SHISA9: variants seen among roughly 807,000 people sequenced by gnomAD.
SHISA9 encodes the protein shisa family member 9, also known as protein shisa-9.
Under a neutral mutation model 38.0 loss-of-function variants are expected in SHISA9, and 13 were observed. The observed-to-expected ratio is 0.34, with a 90% CI of 0.22 to 0.54. The LOEUF is 0.54. Among genes scored for constraint, SHISA9 ranks in the 20% least tolerant of loss-of-function variants. SHISA9 has a pLI of 0.91. For synonymous variants in SHISA9, 275 were observed against 242.0 expected (o/e 1.14, Z -1.27); for missense variants, 538 against 575.8 (o/e 0.93, Z 0.67).
At chr16:12,912,163 A>C (rs1454284629) in intron 1 of SHISA9, among the ~76,000 whole-genome samples, 4 of 152,026 alleles carry the variant, frequency 2.6e-5, no homozygotes, top group African/African-American at 9.7e-5. Context: ...CCCCATACCA[A>C]ATCGGTTTAT....
the SHISA9 span, among the ~76,000 whole-genome samples, chr16:13,552,695 G>C: frequency 6.6e-6 from 1 of 152,056 alleles, no homozygotes; most frequent in African/African-American, 2.4e-5. Context: ...GTGGAGCCTG[G>C]GGTGCTTTAG....
At chr16:13,085,240 C>G (rs2073697530) in intron 2 of SHISA9, among the ~76,000 whole-genome samples, 1 of 151,786 alleles carries the variant, frequency 6.6e-6, no homozygotes, top group African/African-American at 2.4e-5. Context: ...ATATCTATGT[C>G]TATATATCTA....
the SHISA9 span, among the ~76,000 whole-genome samples, chr16:13,562,366 A>G: frequency 1.3e-5 from 2 of 152,214 alleles, no homozygotes; most frequent in Admixed American, 1.3e-4. Context: ...ACAGTGGCTC[A>G]TGCCTGTAAT....
chr16:13,500,651 G>T, the SHISA9 span, among the ~76,000 whole-genome samples: 1 of 151,666 alleles, frequency 6.6e-6, no homozygotes, highest in Non-Finnish European at 1.5e-5. Flanking sequence ...GCAGGGGGTT[G>T]GGGGAGAGAG....
the SHISA9 span, among the ~76,000 whole-genome samples, chr16:13,287,838 C>G: frequency 1.3e-5 from 2 of 152,252 alleles, no homozygotes; most frequent in African/African-American, 2.4e-5. Flanking sequence ...AAATGGAGGC[C>G]TCCTAGAACT....
At chr16:13,110,632 C>T (rs376131898) in intron 2 of SHISA9, among the ~76,000 whole-genome samples, 10 of 152,282 alleles carry the variant, frequency 6.6e-5, no homozygotes, top group African/African-American at 2.4e-4. Flanking sequence ...TTGCTGGAGA[C>T]TCGGAAACAG....
intron 2 of SHISA9, among the ~76,000 whole-genome samples, chr16:13,084,116 G>C (rs761265381): frequency 3.3e-5 from 5 of 152,048 alleles, no homozygotes; most frequent in Admixed American, 6.6e-5. Context: ...AAGAAAAAAG[G>C]CTAGTTTCTT....
chr16:13,161,133 G>T (rs2050591733), intron 2 of SHISA9, among the ~76,000 whole-genome samples: 1 of 152,180 alleles, frequency 6.6e-6, no homozygotes, highest in African/African-American at 2.4e-5. Flanking sequence ...GCTGGCTCCA[G>T]GGAGTTGGAG....
chr16:13,114,380 T>G (rs923194638), intron 2 of SHISA9, among the ~76,000 whole-genome samples: 1 of 148,718 alleles, frequency 6.7e-6, no homozygotes, highest in Non-Finnish European at 1.5e-5. Flanking sequence ...GCAGCAGAAT[T>G]GCTTGAACCC....
Position 13,203,457 on chromosome 16 carries a change from A to G in SHISA9, c.755A>G (p.His252Arg), listed in dbSNP as rs1315187663. ...CTGCTCCAGCAGATGGGCCATCCACATTCGTACCCGAACCTGGGCCAGATC... is the reference window on the plus strand; with the variant it reads ...CTGCTCCAGCAGATGGGCCATCCACGTTCGTACCCGAACCTGGGCCAGATC... ...SPLLQQMGHPHSYPNLGQISN... is the reference protein window; with the variant it reads ...SPLLQQMGHPRSYPNLGQISN... The change falls in exon 3 of 5, where the codon CAT (histidine) becomes CGT (arginine). Residue 252 changes from histidine to arginine, a missense_variant. Physicochemically the swap from His to Arg is conservative, Grantham distance 29. Around this residue, in one of 4 missense-constraint regions of SHISA9, gnomAD observed 326 missense variants for 305.9 expected, o/e 1.07. Transcript: ENST00000558583. The G allele has an allele frequency of 3.2e-6, 5 of 1,551,352 alleles. No individual in the cohort carries two copies. The highest frequency in any genetic ancestry group is 2.0e-5 in the Admixed American group (1 of 50,812).
At chr16:13,313,179 C>T in the SHISA9 span, among the ~76,000 whole-genome samples, 660 of 144,952 alleles carry the variant, frequency 4.6e-3, 7 homozygotes, top group African/African-American at 0.015. Flanking sequence ...GGCGTGAACC[C>T]GGGAGGCGGA....
intron 2 of SHISA9, among the ~76,000 whole-genome samples, chr16:13,153,650 C>T (rs558020614): frequency 2.6e-5 from 4 of 152,238 alleles, no homozygotes; most frequent in African/African-American, 7.2e-5. Context: ...GTACAAGCTC[C>T]GGCAAGCAGA....
At position 13,203,548 on chromosome 16, in the gene SHISA9, C is replaced by A; in HGVS notation, c.846C>A (p.Val282=). The A allele has an allele frequency of 6.6e-7, 1 of 1,526,610 alleles. No homozygotes were observed. Among genetic ancestry groups the A allele is most frequent in the South Asian group, 1.3e-5 (1 of 79,752 alleles). 94.6% of individuals were successfully genotyped at this position (1,526,610 alleles called of 1,614,324 possible). Residue 282 remains valine (V), a splice_region_variant and synonymous_variant, in exon 3 of 5, where the codon GTC becomes GTA. Transcript: ENST00000558583. Reference sequence around the variant, plus strand: ...ACAAGTACGCCTCCTTAAAGGCAGTCGGTAAGTGCCACCTGATGGATCTTT... The same window carrying A: ...ACAAGTACGCCTCCTTAAAGGCAGTAGGTAAGTGCCACCTGATGGATCTTT... ...ELNKYASLKA[V]GSSDGDWAVS... is the part of the protein sequence containing the mutation.
chr16:13,313,911 A>G, the SHISA9 span, among the ~76,000 whole-genome samples: 1 of 152,214 alleles, frequency 6.6e-6, no homozygotes, highest in Admixed American at 6.5e-5. Flanking sequence ...GAAATTACAC[A>G]TTAAAAGACT....
chr16:13,331,001 C>T, the SHISA9 span, among the ~76,000 whole-genome samples: 66 of 152,270 alleles, frequency 4.3e-4, 1 homozygote, highest in Non-Finnish European at 2.9e-5. Context: ...CAGAGCTTAG[C>T]TAAGTGAGAT....
At chr16:13,420,550 G>C in the SHISA9 span, among the ~76,000 whole-genome samples, 1 of 152,146 alleles carries the variant, frequency 6.6e-6, no homozygotes, top group East Asian at 1.9e-4. Flanking sequence ...ATAAAAGTGG[G>C]GGATGGGGGG....
In SHISA9 at chr16:13,027,874, C is replaced by T. The variant is rs142930914; in HGVS notation, c.691+111059C>T. Among the ~76,000 whole-genome samples the T allele has an allele frequency of 4.9e-3, 714 of 145,436 alleles. 5 individuals are homozygous for T. The highest frequency in any genetic ancestry group is 0.016 in the African/African-American group (616 of 38,596). On this transcript the variant is annotated intron_variant, in intron 2 of 4. Transcript: ENST00000558583. Reference sequence around the variant, plus strand: ...CCCAGGAGGCGGAGGTTGTAGTGAGCCGAGACCACGCCACTGCACTCTGGC... The same window carrying T: ...CCCAGGAGGCGGAGGTTGTAGTGAGTCGAGACCACGCCACTGCACTCTGGC...
chr16:13,156,381 G>A (rs566403763), intron 2 of SHISA9, among the ~76,000 whole-genome samples: 14 of 152,108 alleles, frequency 9.2e-5, no homozygotes, highest in East Asian at 1.9e-4. Flanking sequence ...GTGTGTACAC[G>A]CGTATATGCA....
chr16:12,973,403 G>C (rs957517995), intron 2 of SHISA9, among the ~76,000 whole-genome samples: 2 of 152,144 alleles, frequency 1.3e-5, no homozygotes, highest in Non-Finnish European at 2.9e-5. Flanking sequence ...AGTGCTGCTT[G>C]GGAAGTGATT....
Sources: gnomAD v4.1 joint callset for allele counts (sites outside exome capture counted in the v4.1 genomes callset) on GRCh38, gnomAD v4.1.1 for gene constraint, gnomAD v4.1.1 regional missense constraint, MANE v1.5 for transcripts, NCBI Gene and HGNC (gene_info 2026-07-23, HGNC 2026-07-21) for gene names.